The following GTF2H3 variants were observed in gnomAD, a reference collection of about 807,000 sequenced individuals.
The protein encoded by GTF2H3 is general transcription factor IIH subunit 3, also known as TFIIH basal transcription factor complex p34 subunit.
In GTF2H3, 42 loss-of-function variants were observed where a neutral mutation model predicts 51.1. The ratio of observed to expected loss-of-function variants is 0.82; its 90% CI spans 0.64 to 1.06. GTF2H3 has a LOEUF of 1.06. Among genes scored for constraint, GTF2H3 ranks in the 50% least tolerant of loss-of-function variants. The pLI is 0.00. For synonymous variants in GTF2H3, 123 were observed against 123.8 expected (o/e 0.99, Z 0.04); for missense variants, 326 against 366.1 (o/e 0.89, Z 0.89).
In GTF2H3 at chr12:123,660,497, G is replaced by A. The variant is rs1202002457; in HGVS notation, c.*262G>A. The A allele has an allele frequency of 3.3e-6, 1 of 302,502 alleles. No homozygotes were observed. The highest frequency in any genetic ancestry group is 2.2e-5 in the African/African-American group (1 of 45,752). The allele number at this position is 302,502 out of a possible 1,614,324, so 18.7% of individuals were successfully genotyped here. On this transcript the variant is annotated 3_prime_UTR_variant, in exon 13 of 13. Transcript: ENST00000543341. Reference sequence around the variant, plus strand: ...TTTGTGGCTTTCATTTTTTTAATGGGATGACTATTAGTCAAAGTCAGCTTG... The same window carrying A: ...TTTGTGGCTTTCATTTTTTTAATGGAATGACTATTAGTCAAAGTCAGCTTG...
Position 123,635,980 on chromosome 12 carries a change from G to A in GTF2H3, c.13+2108G>A, listed in dbSNP as rs116368893. The stretch of plus-strand genomic sequence containing the variant: ...CTTGCCACTTGTTAGCAGGCCATAT[G>A]TGACTTAGGACAAGTTACTTTCATT... On this transcript the variant is annotated intron_variant, in intron 1 of 12. Transcript: ENST00000543341. Among the ~76,000 whole-genome samples, 1,074 of 152,310 alleles carry A rather than the reference G, an allele frequency of 7.1e-3. 7 individuals carry two copies. Among genetic ancestry groups the A allele is most frequent in the African/African-American group, 0.024 (1,008 of 41,568 alleles).
rs775563941 is a variant in GTF2H3 at position 123,648,029 on chromosome 12, T to C, written c.267T>C (p.Pro89=). The C allele has an allele frequency of 2.2e-5, 36 of 1,611,722 alleles. No homozygotes were observed. Among genetic ancestry groups the C allele is most frequent in the African/African-American group, 5.3e-5 (4 of 74,892 alleles). ...GDFFGDPGNP[P]EFNPSGSKDG... The stretch of plus-strand genomic sequence containing the variant: ...TCTTCGGAGACCCTGGCAACCCTCC[T>C]GAATTTAATCCCTCTGGGAGTAAAG... Residue 89 remains proline (P), a synonymous_variant, in exon 4 of 13, where the codon CCT becomes CCC. Coordinates refer to ENST00000543341, the MANE Select transcript of GTF2H3 (RefSeq NM_001516.5).
At chr12:123,641,450 T>C (rs1268453456) in intron 2 of GTF2H3, among the ~76,000 whole-genome samples, 16 of 151,874 alleles carry the variant, frequency 1.1e-4, no homozygotes, top group African/African-American at 3.9e-4. Flanking sequence ...GATCTTGAAC[T>C]CCTGACCTCA....
At chr12:123,654,455 ATATGTGTGTGTTTTGGGTG>A (rs1278703706) in intron 7 of GTF2H3, among the ~76,000 whole-genome samples, 1 of 141,052 alleles carries the variant, frequency 7.1e-6, no homozygotes, top group Non-Finnish European at 1.5e-5. Context: ...TGTATTTTGT[ATATGTGTGTGTTTTGGGTG>A]TATGTGTATT....
chr12:123,651,374 A>T (rs1955518537), intron 5 of GTF2H3, among the ~76,000 whole-genome samples: 1 of 151,730 alleles, frequency 6.6e-6, no homozygotes, highest in Non-Finnish European at 1.5e-5. Flanking sequence ...CTCCCGGCTA[A>T]TTTTTTTTGT....
chr12:123,646,917 C>T (rs921457395), intron 3 of GTF2H3, among the ~76,000 whole-genome samples: 34 of 149,586 alleles, frequency 2.3e-4, no homozygotes, highest in African/African-American at 7.4e-4. Context: ...TTTGGGAGGC[C>T]GAGGCGGGCG....
chr12:123,659,530 G>A lies in GTF2H3; in HGVS notation c.630G>A (p.Thr210=). ...SGLLQQACDI[T]GGLYLKVPQM... ...GTGTCTTGCAGGCTTGTGACATCACGGGAGGACTGTACCTGAAGGTGCCTC... is the reference window on the plus strand; with the variant it reads ...GTGTCTTGCAGGCTTGTGACATCACAGGAGGACTGTACCTGAAGGTGCCTC... Residue 210 remains threonine, a synonymous_variant, in exon 10 of 13, where the codon ACG becomes ACA. Coordinates refer to ENST00000543341, the MANE Select transcript of GTF2H3 (RefSeq NM_001516.5). The A allele has an allele frequency of 1.9e-6, 3 of 1,614,128 alleles. No individual in the cohort carries two copies. Among genetic ancestry groups the A allele is most frequent in the East Asian group, 2.2e-5 (1 of 44,888 alleles).
intron 2 of GTF2H3, among the ~76,000 whole-genome samples, chr12:123,641,922 C>T (rs972588643): frequency 1.3e-5 from 2 of 150,310 alleles, no homozygotes; most frequent in East Asian, 2.0e-4. Flanking sequence ...GGCACGATCT[C>T]GGCTCCCTGC....
At chr12:123,643,156 G>A (rs1202246724) in intron 2 of GTF2H3, among the ~76,000 whole-genome samples, 1 of 152,184 alleles carries the variant, frequency 6.6e-6, no homozygotes, top group Non-Finnish European at 1.5e-5. Context: ...GGGATTACAG[G>A]TGTGAGCTAC....
chr12:123,648,259 C>A, intron 4 of GTF2H3, 133 bp downstream of exon 4: 1 of 612,912 alleles, frequency 1.6e-6, no homozygotes, highest in Non-Finnish European at 2.7e-6. Context: ...TCATTTTCGT[C>A]AAAGTTGGTT....
intron 7 of GTF2H3, 67 bp downstream of exon 7, chr12:123,652,802 G>T: frequency 7.3e-7 from 1 of 1,378,232 alleles, no homozygotes; most frequent in Non-Finnish European, 9.7e-7. Context: ...GGGAGACCAG[G>T]TGTGGTGGCT....
intron 4 of GTF2H3, 71 bp downstream of exon 4, chr12:123,648,197 A>C: frequency 1.0e-6 from 1 of 1,004,306 alleles, no homozygotes; most frequent in Non-Finnish European, 1.5e-6. Context: ...TTTAAGTTCA[A>C]AGATGTGAGG....
intron 7 of GTF2H3, among the ~76,000 whole-genome samples, chr12:123,654,543 A>G (rs1333039655): frequency 7.8e-6 from 1 of 128,918 alleles, no homozygotes; most frequent in African/African-American, 3.0e-5. Context: ...GAGTGTGTGT[A>G]TTTTTGGGTG....
At chr12:123,641,309 C>T (rs1955368232) in intron 2 of GTF2H3, among the ~76,000 whole-genome samples, 1 of 151,788 alleles carries the variant, frequency 6.6e-6, no homozygotes, top group Non-Finnish European at 1.5e-5. Context: ...TCACTGCAAC[C>T]TCTGCCTCCC....
intron 9 of GTF2H3, 140 bp downstream of exon 9, chr12:123,655,964 C>T: frequency 8.9e-6 from 5 of 559,176 alleles, no homozygotes; most frequent in South Asian, 5.9e-5. Context: ...TATGTCTTTC[C>T]CCCTTACGTA....
chr12:123,654,523 G>A (rs867017327), intron 7 of GTF2H3, among the ~76,000 whole-genome samples: 1 of 151,156 alleles, frequency 6.6e-6, no homozygotes, highest in Non-Finnish European at 1.5e-5. Flanking sequence ...TATTTTGGGT[G>A]TGTATTTTGG....
At chr12:123,659,608 C>G in intron 10 of GTF2H3, 24 bp downstream of exon 10, 1 of 1,607,512 alleles carries the variant, frequency 6.2e-7, no homozygotes, top group Non-Finnish European at 8.5e-7. Flanking sequence ...AGCGGCGACC[C>G]TGATGCCTGG....
At chr12:123,656,719 A>T in intron 9 of GTF2H3, among the ~76,000 whole-genome samples, 1 of 152,176 alleles carries the variant, frequency 6.6e-6, no homozygotes, top group South Asian at 2.1e-4. Flanking sequence ...AACTCAAGCA[A>T]AAACCTGACT....
intron 4 of GTF2H3, among the ~76,000 whole-genome samples, chr12:123,648,883 G>C (rs549263202): frequency 8.0e-4 from 121 of 152,194 alleles, no homozygotes; most frequent in Non-Finnish European, 1.5e-3. Context: ...TGAACTCCTG[G>C]GCTCAAGCTA....
Sources: allele counts gnomAD v4.1 joint callset (sites outside exome capture counted in the v4.1 genomes callset), GRCh38; gene constraint gnomAD v4.1.1; transcripts MANE v1.5; gene names NCBI Gene and HGNC (gene_info 2026-07-23, HGNC 2026-07-21).